C2orf49: variants seen among roughly 807,000 people sequenced by gnomAD.
C2orf49 encodes tRNA splicing ligase complex subunit 2.
C2orf49 carries 11 observed loss-of-function variants against 20.6 expected under a neutral mutation model. The ratio of observed to expected loss-of-function variants is 0.53; its 90% CI spans 0.34 to 0.88. The LOEUF is 0.88. C2orf49 is among the 40% of genes least tolerant of loss of function. The probability of loss-of-function intolerance (pLI) is 0.02; values close to 1 mark genes in which losing one functional copy is unlikely to be tolerated. For synonymous variants in C2orf49, 134 were observed against 108.5 expected (o/e 1.24, Z -1.46); for missense variants, 289 against 274.2 (o/e 1.05, Z -0.38).
Position 105,345,612 on chromosome 2 carries a change from T to G in C2orf49, c.*241T>G. 1.9e-6 allele frequency: 1 copy of G among 522,938 alleles called. No individual in the cohort carries two copies. Among genetic ancestry groups the G allele is most frequent in the Non-Finnish European group, 3.4e-6 (1 of 294,732 alleles). The allele number at this position is 522,938 out of a possible 1,614,324, so 32.4% of individuals were successfully genotyped here. ...ATATCTTTTTAAACCAATGGCTTAG[T>G]ATATGTCATTTATATTGACCCTACT... On this transcript the variant is annotated 3_prime_UTR_variant, in exon 4 of 4. Transcript: ENST00000258457.
the C2orf49 span, chr2:105,367,802 A>G: frequency 6.5e-7 from 1 of 1,527,118 alleles, no homozygotes; most frequent in African/African-American, 1.4e-5. Context: ...AGTCCCAGCA[A>G]TCTGCCTTCA....
the C2orf49 span, chr2:105,375,176 T>C: frequency 3.9e-5 from 6 of 152,128 alleles, no homozygotes; most frequent in Admixed American, 6.5e-5. Flanking sequence ...CGTGTGCACA[T>C]GTGTGCATGT....
At chr2:105,359,276 A>C in the C2orf49 span, 1 of 152,352 alleles carries the variant, frequency 6.6e-6, no homozygotes, top group Middle Eastern at 3.4e-3. Context: ...AAGATGTTCC[A>C]AAATGAAATT....
chr2:105,358,119 T>C, the C2orf49 span: 6 of 152,260 alleles, frequency 3.9e-5, no homozygotes, highest in African/African-American at 1.4e-4. Flanking sequence ...TTTTGCTTTT[T>C]GCTACTAATA....
chr2:105,342,061 A>C (rs1475542983), intron 2 of C2orf49, among the ~76,000 whole-genome samples: 1 of 152,208 alleles, frequency 6.6e-6, no homozygotes, highest in African/African-American at 2.4e-5. Flanking sequence ...TATCCCAGCT[A>C]TTCGGGAGGC....
chr2:105,373,523 GACTGGCTC>G, the C2orf49 span: 1 of 1,612,406 alleles, frequency 6.2e-7, no homozygotes, highest in Non-Finnish European at 8.5e-7. Flanking sequence ...CTTGAAGCTA[GACTGGCTC>G]ACGCATGAGA....
chr2:105,361,099 T>C, the C2orf49 span: 6 of 522,408 alleles, frequency 1.1e-5, no homozygotes, highest in Non-Finnish European at 1.9e-5. Context: ...GAGTTTTCTC[T>C]TTCCCTGGGA....
the C2orf49 span, among the ~76,000 whole-genome samples, chr2:105,384,085 T>G: frequency 3.9e-5 from 6 of 152,294 alleles, no homozygotes; most frequent in South Asian, 8.3e-4. Flanking sequence ...AAACAGCAAG[T>G]GATTTTTGTT....
chr2:105,377,957 G>A, the C2orf49 span: 2 of 437,686 alleles, frequency 4.6e-6, no homozygotes, highest in African/African-American at 2.0e-5. Context: ...AGAGGGAAGA[G>A]AAATACAATT....
At chr2:105,379,614 C>A in the C2orf49 span, among the ~76,000 whole-genome samples, 1 of 152,162 alleles carries the variant, frequency 6.6e-6, no homozygotes, top group African/African-American at 2.4e-5. Flanking sequence ...TGAAATGATC[C>A]GACAAAACTA....
chr2:105,383,207 G>A, the C2orf49 span, among the ~76,000 whole-genome samples: 1 of 152,186 alleles, frequency 6.6e-6, no homozygotes, highest in African/African-American at 2.4e-5. Flanking sequence ...TTAGTTGGTT[G>A]AATTTTTGAA....
At chr2:105,352,451 C>CG (rs1679960218), downstream of C2orf49, among the ~76,000 whole-genome samples, 1 of 14,848 alleles carries the variant, frequency 6.7e-5, no homozygotes, top group Non-Finnish European at 1.3e-4. Flanking sequence ...TTTTTTTTTT[C>CG]GTTTTTTTTT....
the C2orf49 span, among the ~76,000 whole-genome samples, chr2:105,371,745 A>G: frequency 6.6e-6 from 1 of 152,196 alleles, no homozygotes; most frequent in African/African-American, 2.4e-5. Flanking sequence ...CAGCCCCTAG[A>G]GTCCCCAGTG....
At chr2:105,364,263 AC>A in the C2orf49 span, among the ~76,000 whole-genome samples, 1 of 149,624 alleles carries the variant, frequency 6.7e-6, no homozygotes, top group Non-Finnish European at 1.5e-5. Context: ...CAAAAACAAA[AC>A]AAAACAAAAC....
the C2orf49 span, among the ~76,000 whole-genome samples, chr2:105,355,527 A>T: frequency 6.6e-6 from 1 of 151,668 alleles, no homozygotes; most frequent in African/African-American, 2.4e-5. Flanking sequence ...TGCAACAGAA[A>T]CATCAGGCAG....
At chr2:105,357,471 G>T in the C2orf49 span, among the ~76,000 whole-genome samples, 66 of 152,118 alleles carry the variant, frequency 4.3e-4, no homozygotes, top group African/African-American at 1.5e-3. Context: ...ATCTGTGGGG[G>T]ATTAATTCCA....
the C2orf49 span, chr2:105,361,098 CT>C: frequency 1.9e-6 from 1 of 520,146 alleles, no homozygotes; most frequent in Non-Finnish European, 3.2e-6. Flanking sequence ...CGAGTTTTCT[CT>C]TTCCCTGGGA....
the C2orf49 span, chr2:105,378,283 A>T: frequency 6.9e-6 from 3 of 436,906 alleles, no homozygotes; most frequent in South Asian, 5.3e-5. Context: ...AAATGTGGAT[A>T]TTATCCACAT....
At chr2:105,354,024 A>G (rs1004003291), downstream of C2orf49, among the ~76,000 whole-genome samples, 1 of 152,244 alleles carries the variant, frequency 6.6e-6, no homozygotes, top group Non-Finnish European at 1.5e-5. Flanking sequence ...AGTTGTAGCA[A>G]GTCAACAATG....
Sources: allele counts gnomAD v4.1 joint callset (sites outside exome capture counted in the v4.1 genomes callset), GRCh38; gene constraint gnomAD v4.1.1; transcripts MANE v1.5; gene names NCBI Gene and HGNC (gene_info 2026-07-23, HGNC 2026-07-21).